The following PCDHGB1 variants were observed in gnomAD, a reference collection of about 807,000 sequenced individuals.
PCDHGB1 encodes protocadherin gamma-B1.
Under a neutral mutation model 56.6 loss-of-function variants are expected in PCDHGB1, and 34 were observed. The observed-to-expected ratio is 0.60, with a 90% CI of 0.46 to 0.80. The LOEUF (loss-of-function observed/expected upper bound fraction) is 0.80. PCDHGB1 is among the 30% of genes least tolerant of loss of function. The pLI, the probability that PCDHGB1 is intolerant of heterozygous loss-of-function variation, is 0.00. For synonymous variants in PCDHGB1, 561 were observed against 505.9 expected (o/e 1.11, Z -1.46); for missense variants, 1,278 against 1,204.6 (o/e 1.06, Z -0.90).
chr5:141,497,502 T>C (rs1216218103), intron 2 of PCDHGB1, among the ~76,000 whole-genome samples: 1 of 151,628 alleles, frequency 6.6e-6, no homozygotes, highest in East Asian at 1.9e-4. Flanking sequence ...CTCTCCTCTC[T>C]CTGCTTCCTT....
intron 1 of PCDHGB1, chr5:141,357,267 C>G: frequency 1.2e-6 from 2 of 1,613,834 alleles, no homozygotes; most frequent in East Asian, 4.5e-5. Context: ...ACTCGGGCCT[C>G]ACACTCTATC....
chr5:141,385,048 C>A, intron 1 of PCDHGB1: 1 of 1,614,150 alleles, frequency 6.2e-7, no homozygotes, highest in Non-Finnish European at 8.5e-7. Flanking sequence ...GCTCAGGCTG[C>A]GGCGCTGGCA....
chr5:141,472,980 C>CAAAAAAAAAAAAAAAAAGAAAAAAAA (rs2099309731), intron 1 of PCDHGB1, among the ~76,000 whole-genome samples: 1 of 86,100 alleles, frequency 1.2e-5, no homozygotes, highest in African/African-American at 3.9e-5. Flanking sequence ...GAGTGAAACT[C>CAAAAAAAAAAAAAAAAAGAAAAAAAA]AAAAAAAAAA....
chr5:141,505,371 C>T (rs2099845827), intron 2 of PCDHGB1, 22 bp from the exon 3 acceptor site: 4 of 1,613,980 alleles, frequency 2.5e-6, no homozygotes, highest in Non-Finnish European at 3.4e-6. Context: ...AGTCTGTGCT[C>T]ACCATCCTAC....
At chr5:141,361,698 T>A (rs779293216) in intron 1 of PCDHGB1, 3 of 1,613,408 alleles carry the variant, frequency 1.9e-6, no homozygotes, top group South Asian at 2.2e-5. Context: ...GCGCCTTCGA[T>A]CATGAGCAGC....
chr5:141,361,399 A>G, intron 1 of PCDHGB1: 1 of 1,613,982 alleles, frequency 6.2e-7, no homozygotes, highest in Non-Finnish European at 8.5e-7. Context: ...CAATCTCACC[A>G]TCACAGCCAC....
intron 1 of PCDHGB1, chr5:141,394,876 G>T: frequency 1.2e-6 from 2 of 1,613,866 alleles, no homozygotes; most frequent in Middle Eastern, 1.6e-4. Flanking sequence ...AACGATTCGA[G>T]CCTTACACTC....
chr5:141,428,124 C>T, intron 1 of PCDHGB1: 1 of 1,605,400 alleles, frequency 6.2e-7, no homozygotes, highest in South Asian at 1.1e-5. Context: ...CGAGCCCGGG[C>T]TTTTCAGCCT....
chr5:141,409,941 G>T, intron 1 of PCDHGB1: 1 of 1,613,226 alleles, frequency 6.2e-7, no homozygotes, highest in South Asian at 1.1e-5. Flanking sequence ...ATGGTACCTC[G>T]CTCTGCAGAG....
In PCDHGB1 at chr5:141,352,246, T is replaced by C. The variant is rs1561502779; in HGVS notation, c.1986T>C (p.Asp662=). 1.9e-6 allele frequency: 3 copies of C among 1,614,080 alleles called. No homozygotes were observed. The highest frequency in any genetic ancestry group is 2.5e-6 in the Non-Finnish European group (3 of 1,179,898). ...ATATLHLIFA[D]SLQEVLPDLS... ...CCACGCTGCACCTAATCTTCGCGGA[T>C]AGCCTGCAAGAGGTATTGCCAGACC... The change falls in exon 1 of 4, where the codon GAT becomes GAC. Residue 662 remains aspartate (D), a synonymous_variant. Coordinates refer to ENST00000523390, the MANE Select transcript of PCDHGB1 (RefSeq NM_018922.3).
Position 141,410,123 on chromosome 5 carries a change from C to T in PCDHGB1, c.2409+57454C>T. ...AGGCGACAGGGACGCAGCCCGCCAG[C>T]GCCTGCTGGTCGCTGTGCGTGACGG... On this transcript the variant is annotated intron_variant, in intron 1 of 3. Coordinates refer to ENST00000523390, the MANE Select transcript of PCDHGB1 (RefSeq NM_018922.3). The T allele has an allele frequency of 1.2e-6, 2 of 1,612,780 alleles. No individual in the cohort carries two copies. The highest frequency in any genetic ancestry group is 1.7e-6 in the Non-Finnish European group (2 of 1,179,646).
intron 1 of PCDHGB1, among the ~76,000 whole-genome samples, chr5:141,458,201 T>C (rs973995736): frequency 6.6e-6 from 1 of 152,168 alleles, no homozygotes; most frequent in African/African-American, 2.4e-5. Context: ...AGGCCATAAA[T>C]AGTTTAAAAT....
chr5:141,361,668 C>CG, intron 1 of PCDHGB1: 1 of 1,613,670 alleles, frequency 6.2e-7, no homozygotes, highest in Non-Finnish European at 8.5e-7. Context: ...GCGCGCAGAG[C>CG]GGGGTGGTGT....
chr5:141,368,302 A>G lies in PCDHGB1; in HGVS notation c.2409+15633A>G, dbSNP rs948478574. On this transcript the variant is annotated intron_variant, in intron 1 of 3. Transcript: ENST00000523390. The stretch of plus-strand genomic sequence containing the variant: ...ACCACTTGATTTTTATTTTTTAAAC[A>G]CTGTTAAAGAGCATTCAAGTATATC... 7.9e-5 allele frequency among the ~76,000 whole-genome samples: 12 copies of G among 152,282 alleles called. No individual in the cohort carries two copies. In the East Asian group the frequency reaches 2.3e-3, roughly 29 times the overall value.
chr5:141,478,716 G>T, intron 1 of PCDHGB1: 1 of 1,545,206 alleles, frequency 6.5e-7, no homozygotes. Flanking sequence ...TGAGATGGTG[G>T]CCTGCCAGAG....
chr5:141,432,463 C>A lies in PCDHGB1; in HGVS notation c.2410-62344C>A, dbSNP rs781407406. On this transcript the variant is annotated intron_variant, in intron 1 of 3. Transcript: ENST00000523390. The surrounding 1 kb of genome is among the most constrained non-coding windows in gnomAD (Gnocchi z 6.0). Reference sequence around the variant, plus strand: ...CCGAGATCCTGTACCCCGCCCTCCCCACGGACGGTTCCACTGGCGTGGAGC... The same window carrying A: ...CCGAGATCCTGTACCCCGCCCTCCCAACGGACGGTTCCACTGGCGTGGAGC... The A allele has an allele frequency of 5.6e-6, 9 of 1,614,120 alleles. No homozygotes were observed. In the Admixed American group the frequency reaches 1.3e-4, roughly 24 times the overall value.
Position 141,487,552 on chromosome 5 carries a change from A to C in PCDHGB1, c.2410-7255A>C. On this transcript the variant is annotated intron_variant, in intron 1 of 3. Coordinates refer to ENST00000523390, the MANE Select transcript of PCDHGB1 (RefSeq NM_018922.3). The surrounding 1 kb of genome is among the most constrained non-coding windows in gnomAD (Gnocchi z 5.0). ...TCATGATGGTGAAGTCACCCAGTGC[A>C]CCTATGGCAGGGGAGCCTGTTCGCC... is the stretch of plus-strand genomic sequence containing the variant. 2 of 1,614,116 alleles carry C rather than the reference A, an allele frequency of 1.2e-6. No homozygotes were observed. The highest frequency in any genetic ancestry group is 1.7e-6 in the Non-Finnish European group (2 of 1,180,024).
intron 1 of PCDHGB1, chr5:141,394,322 G>C (rs1438978424): frequency 1.9e-6 from 3 of 1,613,842 alleles, no homozygotes; most frequent in Non-Finnish European, 2.5e-6. Context: ...CCCTGTCCTC[G>C]TATATCTCCA....
chr5:141,390,867 C>CGTGT (rs61319619), intron 1 of PCDHGB1: 7,865 of 151,126 alleles, frequency 0.052, 273 homozygotes, highest in African/African-American at 0.097. Context: ...GCTGTGTGTG[C>CGTGT]GTGTGTGTGT....
Sources: allele counts gnomAD v4.1 joint callset (sites outside exome capture counted in the v4.1 genomes callset), GRCh38; gene constraint gnomAD v4.1.1; non-coding constraint Gnocchi (gnomAD v3.1); transcripts MANE v1.5; gene names NCBI Gene and HGNC (gene_info 2026-07-23, HGNC 2026-07-21).